Variants in KYAT3 observed in about 807,000 individuals in gnomAD.
KYAT3 encodes the protein kynurenine aminotransferase 3.
KYAT3 carries 50 observed loss-of-function variants against 59.0 expected under a neutral mutation model. The observed-to-expected ratio is 0.85, with a 90% confidence interval of 0.68 to 1.07. The LOEUF is 1.07. Among genes scored for constraint, KYAT3 ranks in the 50% least tolerant of loss-of-function variants. The pLI is 0.00. For synonymous variants in KYAT3, 148 were observed against 177.0 expected, an observed-to-expected ratio of 0.84 and a Z score of 1.30; for missense variants, 497 against 533.3, an observed-to-expected ratio of 0.93 and a Z score of 0.67.
At chr1:88,964,751 A>G in intron 5 of KYAT3, 78 bp downstream of exon 5, 1 of 1,116,988 alleles carries the variant, frequency 9.0e-7, no homozygotes, top group South Asian at 1.4e-5. Context: ...AAAAGAGTAG[A>G]ATATAAGCGA....
intron 2 of KYAT3, among the ~76,000 whole-genome samples, chr1:88,971,138 A>C (rs964831744): frequency 6.6e-6 from 1 of 152,212 alleles, no homozygotes; most frequent in Non-Finnish European, 1.5e-5. Flanking sequence ...TTTAAAGCTT[A>C]ATTCATTCAG....
At chr1:88,922,492 C>T in the KYAT3 span, among the ~76,000 whole-genome samples, 5 of 152,252 alleles carry the variant, frequency 3.3e-5, no homozygotes, top group Admixed American at 6.5e-5. Context: ...AGCATTATTG[C>T]CTGAGCTCTG....
chr1:88,961,389 G>T lies in KYAT3; in HGVS notation c.658C>A (p.Leu220Ile). 1 of 1,613,888 alleles carries T rather than the reference G, an allele frequency of 6.2e-7. No individual in the cohort carries two copies. Among genetic ancestry groups the T allele is most frequent in the Non-Finnish European group, 8.5e-7 (1 of 1,179,882 alleles). The part of the protein sequence containing the change: ...AIILNTPHNP[L>I]GKVYNREELQ... Reference sequence around the variant, plus strand: ...AGATGAGACTTGCTTACCTTGCCAAGTGGGTTATGTGGAGTATTTAGTATA... The same window carrying T: ...AGATGAGACTTGCTTACCTTGCCAATTGGGTTATGTGGAGTATTTAGTATA... The change falls in exon 7 of 14, where the codon CTT (leucine) becomes ATT (isoleucine). Residue 220 changes from leucine (L) to isoleucine (I), a missense_variant. Around this residue, in one of 2 missense-constraint regions of KYAT3, gnomAD observed 469 missense variants for 479.1 expected, o/e 0.98. Transcript: ENST00000260508.
chr1:88,962,203 C>T, intron 5 of KYAT3, 58 bp from the exon 6 acceptor site: 1 of 1,224,176 alleles, frequency 8.2e-7, no homozygotes, highest in South Asian at 1.2e-5. Flanking sequence ...GTTAATAATA[C>T]TGTGTACCTA....
chr1:88,984,687 T>C (rs1185600531), intron 2 of KYAT3, among the ~76,000 whole-genome samples: 1 of 152,176 alleles, frequency 6.6e-6, no homozygotes, highest in Non-Finnish European at 1.5e-5. Context: ...TGTACTTCAA[T>C]AGAAAACTAT....
chr1:88,949,598 A>C (rs1341389343), intron 10 of KYAT3, among the ~76,000 whole-genome samples: 1 of 152,222 alleles, frequency 6.6e-6, no homozygotes, highest in African/African-American at 2.4e-5. Context: ...TGAGTTGTAG[A>C]ATGACTTGCT....
At chr1:88,952,899 C>T (rs547872686) in intron 10 of KYAT3, among the ~76,000 whole-genome samples, 164 bp downstream of exon 10, 2 of 152,236 alleles carry the variant, frequency 1.3e-5, no homozygotes, top group South Asian at 2.1e-4. Flanking sequence ...CCAAACCATG[C>T]TTGATAACAG....
chr1:88,973,258 T>C (rs563088631), intron 2 of KYAT3, among the ~76,000 whole-genome samples: 9 of 152,342 alleles, frequency 5.9e-5, no homozygotes, highest in African/African-American at 2.2e-4. Context: ...CTCAGACTTT[T>C]AGCCTCCCAA....
rs541420456 is a variant in KYAT3 at position 88,953,997 on chromosome 1, G to C, written c.865-845C>G. 4.0e-5 allele frequency among the ~76,000 whole-genome samples: 6 copies of C among 151,756 alleles called. No individual in the cohort carries two copies. The East Asian group carries it at 1.2e-3, about 29-fold the overall frequency. On this transcript the variant is annotated intron_variant, in intron 9 of 13. Transcript: ENST00000260508. ...GGCTCACTCAACCTCCGCCTCCCAG[G>C]TACAGGTGATTCTCCTGTCTCAGCC...
chr1:88,982,762 C>T (rs762992748), intron 2 of KYAT3: 2 of 1,613,948 alleles, frequency 1.2e-6, no homozygotes, highest in East Asian at 2.2e-5. Flanking sequence ...AAGAAGGGTA[C>T]CCCCTTTCTA....
chr1:88,951,291 G>A (rs1217635329), intron 10 of KYAT3, among the ~76,000 whole-genome samples: 1 of 150,318 alleles, frequency 6.7e-6, no homozygotes, highest in East Asian at 2.0e-4. Flanking sequence ...CTGGAGTGTA[G>A]TGACACGATC....
downstream of KYAT3, among the ~76,000 whole-genome samples, chr1:88,932,339 C>T (rs1161310043): frequency 6.6e-6 from 1 of 152,080 alleles, no homozygotes; most frequent in Non-Finnish European, 1.5e-5. Context: ...TATTGATAGA[C>T]TATTAGACTA....
intron 1 of KYAT3, among the ~76,000 whole-genome samples, chr1:88,989,849 C>A (rs1677686187): frequency 6.6e-6 from 1 of 152,194 alleles, no homozygotes; most frequent in African/African-American, 2.4e-5. Flanking sequence ...CACATTACCT[C>A]CATCATGCAA....
chr1:88,974,279 T>C (rs1292205667), intron 2 of KYAT3, among the ~76,000 whole-genome samples: 3 of 152,134 alleles, frequency 2.0e-5, no homozygotes, highest in African/African-American at 7.2e-5. Context: ...TAAAAATATT[T>C]TTAATTGTCT....
At chr1:88,940,341 G>A (rs962308612) in intron 13 of KYAT3, among the ~76,000 whole-genome samples, 11 of 152,042 alleles carry the variant, frequency 7.2e-5, no homozygotes, top group African/African-American at 2.4e-4. Context: ...CAAAGTAATG[G>A]GATTACAGGT....
At chr1:88,925,972 G>A in the KYAT3 span, among the ~76,000 whole-genome samples, 1 of 152,136 alleles carries the variant, frequency 6.6e-6, no homozygotes, top group Non-Finnish European at 1.5e-5. Flanking sequence ...TGAGGCCACC[G>A]ACAACCAGTA....
intron 13 of KYAT3, among the ~76,000 whole-genome samples, chr1:88,941,635 G>A (rs1026491994): frequency 3.3e-5 from 5 of 151,826 alleles, no homozygotes; most frequent in Non-Finnish European, 7.4e-5. Context: ...TGGACGTGCT[G>A]GGCTCATGTG....
intron 8 of KYAT3, among the ~76,000 whole-genome samples, chr1:88,960,883 T>A (rs960366934): frequency 1.3e-5 from 2 of 152,218 alleles, no homozygotes; most frequent in African/African-American, 4.8e-5. Flanking sequence ...ATGTACCAAG[T>A]AATTGCTGGA....
At position 88,962,161 on chromosome 1, in the gene KYAT3, A is replaced by G. The variant is rs768592467; in HGVS notation, c.454-16T>C. 1.9e-6 allele frequency: 3 copies of G among 1,543,020 alleles called. No individual in the cohort carries two copies. In the Admixed American group the frequency reaches 5.0e-5, roughly 26 times the overall value. On this transcript the variant is annotated splice_polypyrimidine_tract_variant and intron_variant, in intron 5 of 13. Coordinates refer to ENST00000260508, the MANE Select transcript of KYAT3 (RefSeq NM_001008661.3). ...TTAGTATGACCTGCAATAAAAGCAA[A>G]TAAGATCACAACCTGTCAATCATTT...
Sources: allele counts gnomAD v4.1 joint callset (sites outside exome capture counted in the v4.1 genomes callset), GRCh38; gene constraint gnomAD v4.1.1; regional missense constraint gnomAD v4.1.1; transcripts MANE v1.5; gene names NCBI Gene and HGNC (gene_info 2026-07-23, HGNC 2026-07-21).